OPTN: variants seen among roughly 807,000 people sequenced by gnomAD.
The protein encoded by OPTN is optineurin.
A neutral mutation model predicts 70.4 loss-of-function variants in OPTN; 54 were observed. The observed-to-expected ratio is 0.77, with a 90% CI of 0.62 to 0.96. OPTN has a LOEUF of 0.96. OPTN is among the 40% of genes least tolerant of loss of function. The pLI, the probability that OPTN is intolerant of heterozygous loss-of-function variation, is 0.00. For synonymous variants in OPTN, 256 were observed against 248.5 expected (o/e 1.03, Z -0.28); for missense variants, 624 against 673.2 (o/e 0.93, Z 0.81).
At position 13,126,283 on chromosome 10, in the gene OPTN, C is replaced by CCTTTTTTTTTTTTTTTTT. The variant is rs771767144; in HGVS notation, c.1242+244_1242+245insCTTTTTTTTTTTTTTTTT. Among the ~76,000 whole-genome samples, 28 of 139,068 alleles carry CCTTTTTTTTTTTTTTTTT rather than the reference C, an allele frequency of 2.0e-4. 1 individual carries two copies. Among genetic ancestry groups the CCTTTTTTTTTTTTTTTTT allele is most frequent in the African/African-American group, 7.4e-4 (27 of 36,724 alleles). The allele number at this position is 139,068 out of a possible 152,430, so 91.2% of individuals were successfully genotyped here. ...GTCAGGGATTAAGCACTTCGTATTT[C>CCTTTTTTTTTTTTTTTTT]TTTTTTTTTTTTTTTGAGACGGAGT... On this transcript the variant is annotated intron_variant, in intron 11 of 14. Transcript: ENST00000378747.
At chr10:13,119,801 A>G (rs1833301453) in intron 7 of OPTN, among the ~76,000 whole-genome samples, 1 of 152,188 alleles carries the variant, frequency 6.6e-6, no homozygotes, top group Admixed American at 6.5e-5. Context: ...CCCTAGTGAC[A>G]GCGATGTTGA....
chr10:13,136,953 T>G lies in OPTN; in HGVS notation c.*87T>G, dbSNP rs1833714730. The G allele has an allele frequency of 1.3e-6, 2 of 1,552,332 alleles. No individual in the cohort carries two copies. Among genetic ancestry groups the G allele is most frequent in the Admixed American group, 3.3e-5 (2 of 59,860 alleles). On this transcript the variant is annotated 3_prime_UTR_variant, in exon 15 of 15. Coordinates refer to ENST00000378747, the MANE Select transcript of OPTN (RefSeq NM_001008212.2). ...GTGCTTTTGTGTTATTTGTTTTCACTCAAATATTTTGCCTCATTATTCTTG... is the reference window on the plus strand; with the variant it reads ...GTGCTTTTGTGTTATTTGTTTTCACGCAAATATTTTGCCTCATTATTCTTG...
Position 13,125,949 on chromosome 10 carries a change from C to A in OPTN, c.1152C>A (p.Ser384=). ...MEQAKTEDEK[S]KLTVLQMTHN... is the part of the protein sequence containing the mutation. Reference sequence around the variant, plus strand: ...TTTTTAATATCTTTTTTAATAGGTCCAAATTAACTGTGCTACAGATGACAC... The same window carrying A: ...TTTTTAATATCTTTTTTAATAGGTCAAAATTAACTGTGCTACAGATGACAC... Residue 384 remains serine, a synonymous_variant, in exon 11 of 15, where the codon TCC becomes TCA. Coordinates refer to ENST00000378747, the MANE Select transcript of OPTN (RefSeq NM_001008212.2). 1 of 1,603,498 alleles carries A rather than the reference C, an allele frequency of 6.2e-7. No individual in the cohort carries two copies. The highest frequency in any genetic ancestry group is 1.1e-5 in the South Asian group (1 of 90,778).
intron 12 of OPTN, among the ~76,000 whole-genome samples, chr10:13,131,023 G>A (rs1833583102): frequency 6.6e-6 from 1 of 152,156 alleles, no homozygotes; most frequent in Non-Finnish European, 1.5e-5. Flanking sequence ...GGGCTCAGGT[G>A]ATCCTCGTGC....
intron 12 of OPTN, among the ~76,000 whole-genome samples, chr10:13,131,127 C>T (rs1297759271): frequency 2.0e-5 from 3 of 152,054 alleles, no homozygotes; most frequent in African/African-American, 7.2e-5. Flanking sequence ...TGCCATGTTG[C>T]CCAGGCTGTC....
At chr10:13,134,950 C>T (rs181054280) in intron 14 of OPTN, among the ~76,000 whole-genome samples, 76 of 152,156 alleles carry the variant, frequency 5.0e-4, no homozygotes, top group Non-Finnish European at 9.1e-4. Context: ...AAGGCAGCCC[C>T]GGATGCTGAC....
chr10:13,126,425 C>T (rs934470974), intron 11 of OPTN, among the ~76,000 whole-genome samples: 26 of 151,584 alleles, frequency 1.7e-4, no homozygotes, highest in Non-Finnish European at 3.1e-4. Flanking sequence ...GGACTACAGG[C>T]GCCCGCCACC....
intron 10 of OPTN, 42 bp downstream of exon 10, chr10:13,125,609 G>A (rs1429638492): frequency 3.1e-6 from 5 of 1,610,752 alleles, no homozygotes; most frequent in East Asian, 4.5e-5. Context: ...GGGCAGAGGA[G>A]GGAGAATCGC....
rs370370110 is a variant in OPTN at position 13,136,842 on chromosome 10, T to A, written c.1710T>A (p.Ile570=). The part of the protein sequence containing the change: ...EVLPDIDTLQ[I]HVMDCII ...TGCCTGACATAGACACGTTACAGAT[T>A]CACGTGATGGATTGCATCATTTAAG... Residue 570 remains isoleucine (I), a synonymous_variant, in exon 15 of 15, where the codon ATT becomes ATA. Coordinates refer to ENST00000378747, the MANE Select transcript of OPTN (RefSeq NM_001008212.2). The A allele has an allele frequency of 6.2e-7, 1 of 1,614,106 alleles. No individual in the cohort carries two copies. The highest frequency in any genetic ancestry group is 1.3e-5 in the African/African-American group (1 of 74,940).
intron 12 of OPTN, among the ~76,000 whole-genome samples, chr10:13,129,926 G>GT (rs1336595472): frequency 1.3e-5 from 2 of 152,146 alleles, no homozygotes; most frequent in Non-Finnish European, 2.9e-5. Context: ...GGTACTTATA[G>GT]CTTTAGTTTT....
At chr10:13,111,911 A>G (rs1012302885) in intron 4 of OPTN, among the ~76,000 whole-genome samples, 5 of 135,850 alleles carry the variant, frequency 3.7e-5, no homozygotes, top group Admixed American at 3.4e-4. Context: ...ACAGTGGCAT[A>G]ATCTCGGCTC....
chr10:13,133,459 G>T, intron 13 of OPTN, 43 bp from the exon 14 acceptor site: 1 of 1,539,156 alleles, frequency 6.5e-7, no homozygotes, highest in South Asian at 1.1e-5. Flanking sequence ...CATGTTTCGG[G>T]GTTGTAGAAC....
intron 5 of OPTN, among the ~76,000 whole-genome samples, chr10:13,115,487 CTATATTAT>C (rs1588440488): frequency 1.1e-5 from 1 of 91,230 alleles, no homozygotes; most frequent in East Asian, 3.1e-4. Context: ...ATAATATATT[CTATATTAT>C]ATAATATAGA....
At chr10:13,108,910 GCACA>G (rs71386156) in intron 2 of OPTN, 198 bp from the exon 3 acceptor site, 51 of 589,870 alleles carry the variant, frequency 8.6e-5, no homozygotes, top group South Asian at 7.7e-4. Context: ...ACATGCGCGT[GCACA>G]CACACACACA....
At chr10:13,111,240 C>A (rs1175211370) in intron 4 of OPTN, among the ~76,000 whole-genome samples, 1 of 152,134 alleles carries the variant, frequency 6.6e-6, no homozygotes, top group African/African-American at 2.4e-5. Flanking sequence ...TTAGACACAG[C>A]TTATGAGTCC....
chr10:13,106,551 G>A (rs1367844080), intron 1 of OPTN, among the ~76,000 whole-genome samples: 1 of 152,178 alleles, frequency 6.6e-6, no homozygotes, highest in Non-Finnish European at 1.5e-5. Context: ...ACATGAGAAT[G>A]CCCCTCTTGG....
intron 1 of OPTN, chr10:13,104,541 A>G: frequency 1.8e-6 from 1 of 549,146 alleles, no homozygotes; most frequent in Non-Finnish European, 3.5e-6. Flanking sequence ...GAGAGAGGAC[A>G]TGGGTTTCTC....
intron 7 of OPTN, among the ~76,000 whole-genome samples, chr10:13,119,966 G>A (rs1833305637): frequency 6.7e-6 from 1 of 149,978 alleles, no homozygotes; most frequent in South Asian, 2.1e-4. Flanking sequence ...TATATGATCT[G>A]CAACTATTTT....
chr10:13,105,013 T>C (rs1003322509), intron 1 of OPTN, among the ~76,000 whole-genome samples: 4 of 152,014 alleles, frequency 2.6e-5, no homozygotes, highest in Admixed American at 2.6e-4. Flanking sequence ...TTGGCTGGGC[T>C]GATCTCAAAC....
Sources: gnomAD v4.1 joint callset for allele counts (sites outside exome capture counted in the v4.1 genomes callset) on GRCh38, gnomAD v4.1.1 for gene constraint, MANE v1.5 for transcripts, NCBI Gene and HGNC (gene_info 2026-07-23, HGNC 2026-07-21) for gene names.